MGAM2: variants seen among roughly 807,000 people sequenced by gnomAD.
MGAM2 encodes the protein maltase-glucoamylase 2 (putative), also known as probable maltase-glucoamylase 2.
In MGAM2, 98 loss-of-function variants were observed where a neutral mutation model predicts 96.1. The observed-to-expected ratio is 1.02, with a 90% confidence interval of 0.87 to 1.21. The LOEUF (loss-of-function observed/expected upper bound fraction) is 1.21. MGAM2 is among the 50% of genes most tolerant of loss of function. MGAM2 has a pLI of 0.00. For synonymous variants in MGAM2, 749 were observed against 414.8 expected, an observed-to-expected ratio of 1.81 and a Z score of -9.79; for missense variants, 2,055 against 1,182.4, an observed-to-expected ratio of 1.74 and a Z score of -10.82.
intron 6 of MGAM2, 137 bp downstream of exon 6, chr7:142,132,222 G>T (rs1794909676): frequency 4.2e-6 from 2 of 478,074 alleles, no homozygotes; most frequent in African/African-American, 4.0e-5. Context: ...CCAAGGGTTT[G>T]CTGTAAAATA....
At chr7:142,138,165 G>A (rs1795115841) in intron 9 of MGAM2, among the ~76,000 whole-genome samples, 1 of 152,090 alleles carries the variant, frequency 6.6e-6, no homozygotes, top group African/African-American at 2.4e-5. Flanking sequence ...AATTATATTA[G>A]GCATTTATTT....
chr7:142,178,502 C>T (rs561625700), intron 32 of MGAM2, among the ~76,000 whole-genome samples: 1 of 152,244 alleles, frequency 6.6e-6, no homozygotes, highest in Non-Finnish European at 1.5e-5. Flanking sequence ...ACATTTAAGT[C>T]TTTAATCTAT....
chr7:142,221,700 A>T lies in MGAM2; in HGVS notation c.7189A>T (p.Thr2397Ser). ...TACTCCCCATTCTGCTACTACTACA[A>T]CACTGGCCTTAAGCCACACCTCATT... ...FATPHSATTTTLALSHTSLAP... is the reference protein window; with the variant it reads ...FATPHSATTTSLALSHTSLAP... The change falls in exon 48 of 48, where the codon ACA becomes TCA. Residue 2397 changes from threonine (T) to serine (S), a missense_variant. Thr to Ser is a moderately conservative substitution (Grantham distance 58). Coordinates refer to ENST00000477922, the MANE Select transcript of MGAM2 (RefSeq NM_001293626.2). The T allele has an allele frequency of 2.4e-6, 1 of 423,196 alleles. No homozygotes were observed. The highest frequency in any genetic ancestry group is 4.2e-6 in the Non-Finnish European group (1 of 239,808). 26.2% of individuals were successfully genotyped at this position (423,196 alleles called of 1,614,324 possible). A position where few individuals can be genotyped will look rare whatever the true frequency, so the allele number is the denominator to read the frequency against.
chr7:142,171,605 CATATATATATATATATATATATAT>C (rs34204853), intron 28 of MGAM2, among the ~76,000 whole-genome samples, 165 bp downstream of exon 28: 3,475 of 64,986 alleles, frequency 0.053, 250 homozygotes, highest in African/African-American at 0.13. Flanking sequence ...CCCTAAAAGG[CATATATATATATATATATATATAT>C]ATATATATAT....
intron 46 of MGAM2, among the ~76,000 whole-genome samples, chr7:142,213,903 G>T (rs1261778213): frequency 6.6e-6 from 1 of 152,174 alleles, no homozygotes; most frequent in Non-Finnish European, 1.5e-5. Flanking sequence ...GAACATCAAT[G>T]CAAAAGTCCT....
intron 45 of MGAM2, 199 bp from the exon 46 acceptor site, chr7:142,208,374 C>A: frequency 1.5e-6 from 1 of 658,202 alleles, no homozygotes; most frequent in South Asian, 1.6e-5. Context: ...CGGCAAGGTA[C>A]CCATTTGCAT....
At chr7:142,145,774 T>C (rs1563259018) in intron 14 of MGAM2, among the ~76,000 whole-genome samples, 1 of 152,110 alleles carries the variant, frequency 6.6e-6, no homozygotes, top group Non-Finnish European at 1.5e-5. Context: ...GTGGAGAAGA[T>C]TTTATGCGCA....
chr7:142,132,738 G>A (rs1161025865), intron 6 of MGAM2, among the ~76,000 whole-genome samples: 48 of 121,076 alleles, frequency 4.0e-4, no homozygotes, highest in African/African-American at 1.5e-3. Flanking sequence ...ATAGAAATAT[G>A]TAATAACATA....
chr7:142,137,842 A>G (rs1795105499), intron 9 of MGAM2, among the ~76,000 whole-genome samples: 1 of 152,350 alleles, frequency 6.6e-6, no homozygotes, highest in Non-Finnish European at 1.5e-5. Flanking sequence ...TATTCATTCA[A>G]TAAGTTAAAA....
rs187262023 is a variant in MGAM2 at position 142,161,295 on chromosome 7, A to C, written c.2434+82A>C. 245 of 670,458 alleles carry C rather than the reference A, an allele frequency of 3.7e-4. No individual in the cohort carries two copies. The African/African-American group carries it at 4.1e-3, about 11-fold the overall frequency. The allele number at this position is 670,458 out of a possible 1,614,324, so 41.5% of individuals were successfully genotyped here. A position where few individuals can be genotyped will look rare whatever the true frequency, so the allele number is the denominator to read the frequency against. On this transcript the variant is annotated intron_variant, in intron 22 of 47. Transcript: ENST00000477922. ...GTCATCATAGGCTGCCCAATATGGC[A>C]CTAACCCTATTAGCACTGTCGTTTA... is the stretch of plus-strand genomic sequence containing the variant.
chr7:142,167,724 C>T (rs777939576), intron 26 of MGAM2, among the ~76,000 whole-genome samples: 3 of 152,058 alleles, frequency 2.0e-5, no homozygotes, highest in Non-Finnish European at 2.9e-5. Context: ...AGGTGTGCTC[C>T]GACACACCTG....
rs1206441014 is a variant in MGAM2 at position 142,138,525 on chromosome 7, C to T, written c.961-17C>T. 10 of 701,992 alleles carry T rather than the reference C, an allele frequency of 1.4e-5. No homozygotes were observed. In the East Asian group the frequency reaches 2.1e-4, roughly 15 times the overall value. The allele number at this position is 701,992 out of a possible 1,614,324, so 43.5% of individuals were successfully genotyped here. On this transcript the variant is annotated splice_polypyrimidine_tract_variant and intron_variant, in intron 9 of 47. Coordinates refer to ENST00000477922, the MANE Select transcript of MGAM2 (RefSeq NM_001293626.2). Reference sequence around the variant, plus strand: ...TAATGTTATTCTCAAAGCCTACACACTTACTTATCTTTTCAGCTTGTTGGA... The same window carrying T: ...TAATGTTATTCTCAAAGCCTACACATTTACTTATCTTTTCAGCTTGTTGGA...
At chr7:142,169,631 A>C (rs941730337) in intron 26 of MGAM2, among the ~76,000 whole-genome samples, 2 of 152,136 alleles carry the variant, frequency 1.3e-5, no homozygotes, top group African/African-American at 4.8e-5. Flanking sequence ...AGGAATGGGA[A>C]AGCTGTACAA....
In MGAM2 at chr7:142,221,837, C is replaced by G; in HGVS notation, c.7326C>G (p.Ala2442=). 1 of 400,172 alleles carries G rather than the reference C, an allele frequency of 2.5e-6. No individual in the cohort carries two copies. Among genetic ancestry groups the G allele is most frequent in the East Asian group, 3.6e-5 (1 of 28,082 alleles). 24.8% of individuals were successfully genotyped at this position (400,172 alleles called of 1,614,324 possible). The change falls in exon 48 of 48, where the codon GCC becomes GCG. Residue 2442 remains alanine (A), a synonymous_variant. Coordinates refer to ENST00000477922, the MANE Select transcript of MGAM2 (RefSeq NM_001293626.2). The part of the protein sequence containing the change: ...THISVSNLTT[A]SVTITATGLD... ...TTTCTGTTTCAAATCTCACAACAGC[C>G]TCAGTCACAATAACAGCCACTGGTC...
intron 10 of MGAM2, among the ~76,000 whole-genome samples, 174 bp downstream of exon 10, chr7:142,138,841 T>C (rs1336595597): frequency 6.6e-6 from 1 of 152,228 alleles, no homozygotes; most frequent in Non-Finnish European, 1.5e-5. Flanking sequence ...AAGTATACTG[T>C]TAATGAAGCC....
At chr7:142,185,188 A>G (rs1347150357) in intron 34 of MGAM2, 49 bp downstream of exon 34, 1 of 692,890 alleles carries the variant, frequency 1.4e-6, no homozygotes, top group Non-Finnish European at 2.6e-6. Flanking sequence ...ACATCTGGAT[A>G]TTTACATTTT....
Position 142,137,511 on chromosome 7 carries a change from A to G in MGAM2, c.926A>G (p.Asn309Ser), listed in dbSNP as rs1290404403. 1 of 701,406 alleles carries G rather than the reference A, an allele frequency of 1.4e-6. No homozygotes were observed. Among genetic ancestry groups the G allele is most frequent in the Non-Finnish European group, 2.6e-6 (1 of 384,144 alleles). 43.4% of individuals were successfully genotyped at this position (701,406 alleles called of 1,614,324 possible). A position where few individuals can be genotyped will look rare whatever the true frequency, so the allele number is the denominator to read the frequency against. The change falls in exon 9 of 48, where the codon AAC (asparagine) becomes AGC (serine). Residue 309 changes from asparagine (N) to serine (S), a missense_variant. Physicochemically the swap from Asn to Ser is conservative, Grantham distance 46. Coordinates refer to ENST00000477922, the MANE Select transcript of MGAM2 (RefSeq NM_001293626.2). ...CTTGACTTTTACGTATTCCTAGGAA[A>G]CACTCCAGAACAAGTGGTTCAGGAA... ...GILDFYVFLG[N>S]TPEQVVQEYL...
rs79480635 is a variant in MGAM2, at chr7:142,202,508, C to T, written c.5137+2540C>T. Among the ~76,000 whole-genome samples, 842 of 152,152 alleles carry T rather than the reference C, an allele frequency of 5.5e-3. 43 individuals are homozygous for T. In the East Asian group the frequency reaches 0.1, roughly 19 times the overall value. ...AATAGCCTGCAGTGTCTATTGTTCT[C>T]GTCTTTATGTCCATGTGTACTCAGT... On this transcript the variant is annotated intron_variant, in intron 45 of 47. Coordinates refer to ENST00000477922, the MANE Select transcript of MGAM2 (RefSeq NM_001293626.2).
intron 3 of MGAM2, among the ~76,000 whole-genome samples, chr7:142,122,432 C>A (rs1247881378): frequency 1.3e-5 from 2 of 152,216 alleles, no homozygotes; most frequent in Non-Finnish European, 2.9e-5. Context: ...CAAATGACTA[C>A]ACATGTGTAA....
Sources: gnomAD v4.1 joint callset for allele counts (sites outside exome capture counted in the v4.1 genomes callset) on GRCh38, gnomAD v4.1.1 for gene constraint, MANE v1.5 for transcripts, NCBI Gene and HGNC (gene_info 2026-07-23, HGNC 2026-07-21) for gene names.